RAP1GAP2: variants seen among roughly 807,000 people sequenced by gnomAD.
RAP1GAP2 encodes the protein RAP1 GTPase activating protein 2, also known as rap1 GTPase-activating protein 2.
In RAP1GAP2, 27 loss-of-function variants were observed where a neutral mutation model predicts 95.0. The ratio of observed to expected loss-of-function variants is 0.28; its 90% confidence interval spans 0.21 to 0.39. The LOEUF is 0.39. RAP1GAP2 is among the 10% of genes least tolerant of loss of function. RAP1GAP2 has a pLI of 1.00. For synonymous variants in RAP1GAP2, 373 were observed against 380.9 expected (o/e 0.98, Z 0.24); for missense variants, 771 against 970.0 (o/e 0.79, Z 2.72).
chr17:2,884,561 AG>A (rs939145180), intron 2 of RAP1GAP2, among the ~76,000 whole-genome samples: 2 of 151,856 alleles, frequency 1.3e-5, no homozygotes, highest in Admixed American at 6.6e-5. Context: ...TTAGTGGAAA[AG>A]GGGGTTTCAC....
intron 1 of RAP1GAP2, among the ~76,000 whole-genome samples, chr17:2,760,494 C>G (rs1460646763): frequency 6.6e-6 from 1 of 150,840 alleles, no homozygotes. Context: ...GTGTGTGCCA[C>G]CACACCCGGC....
At chr17:2,908,356 A>C (rs2042268773) in intron 3 of RAP1GAP2, among the ~76,000 whole-genome samples, 1 of 152,182 alleles carries the variant, frequency 6.6e-6, no homozygotes, top group Non-Finnish European at 1.5e-5. Flanking sequence ...ATTCCTAGTT[A>C]AGAGCACTGG....
chr17:2,868,797 G>T (rs1326139328), intron 2 of RAP1GAP2, among the ~76,000 whole-genome samples: 2 of 152,172 alleles, frequency 1.3e-5, no homozygotes, highest in Non-Finnish European at 2.9e-5. Context: ...GGGATTACAG[G>T]TGTGAGCCAC....
At chr17:2,966,902 T>C (rs1030287455) in intron 8 of RAP1GAP2, among the ~76,000 whole-genome samples, 1 of 152,190 alleles carries the variant, frequency 6.6e-6, no homozygotes, top group African/African-American at 2.4e-5. Context: ...TTTCTAATAC[T>C]GTATCCTCCA....
intron 14 of RAP1GAP2, among the ~76,000 whole-genome samples, chr17:3,000,481 G>A (rs1174508925): frequency 4.6e-5 from 3 of 64,616 alleles, no homozygotes; most frequent in East Asian, 3.7e-4. Context: ...CCAGGCTGAA[G>A]TGGGGCTCGT....
intron 16 of RAP1GAP2, among the ~76,000 whole-genome samples, chr17:3,006,827 T>C (rs10852853): frequency 0.55 from 83,238 of 151,784 alleles, 23,289 homozygotes; most frequent in Middle Eastern, 0.67. Flanking sequence ...CCCTGGAGAG[T>C]ACACAGGGTA....
chr17:3,025,906 A>G, intron 19 of RAP1GAP2, 102 bp from the exon 20 acceptor site: 1 of 844,228 alleles, frequency 1.2e-6, no homozygotes, highest in Admixed American at 2.3e-5. Flanking sequence ...CTCTGACCCC[A>G]CTGCCCCTCA....
rs1254289260 is a variant in RAP1GAP2, at chr17:3,005,795, T to C, written c.1273-160T>C. Among the ~76,000 whole-genome samples, 3 of 152,198 alleles carry C rather than the reference T, an allele frequency of 2.0e-5. No homozygotes were observed. The highest frequency in any genetic ancestry group is 2.9e-5 in the Non-Finnish European group (2 of 68,030). ...AAGCGGGTTTCCTTGTTGGGATATT[T>C]GCAAGTGGGCTTGGCCTGGGCTAGA... is the stretch of plus-strand genomic sequence containing the variant. On this transcript the variant is annotated intron_variant, in intron 15 of 24. Transcript: ENST00000254695. The surrounding 1 kb of genome is among the most constrained non-coding windows in gnomAD (Gnocchi z 5.2).
intron 19 of RAP1GAP2, among the ~76,000 whole-genome samples, chr17:3,024,377 A>G (rs1456274462): frequency 1.3e-5 from 2 of 152,226 alleles, no homozygotes; most frequent in East Asian, 3.8e-4. Context: ...GGCTTTAATC[A>G]AAAAGACAAA....
At chr17:2,865,223 G>A (rs1046899604) in intron 2 of RAP1GAP2, among the ~76,000 whole-genome samples, 2 of 152,180 alleles carry the variant, frequency 1.3e-5, no homozygotes, top group African/African-American at 4.8e-5. Context: ...AGCTCAGAGA[G>A]ACCAGGTGTC....
intron 2 of RAP1GAP2, among the ~76,000 whole-genome samples, chr17:2,880,985 T>C (rs1394972779): frequency 6.8e-6 from 1 of 148,074 alleles, no homozygotes; most frequent in Non-Finnish European, 1.5e-5. Flanking sequence ...AAATTAGCCA[T>C]GTGTGGTGAT....
In RAP1GAP2 at chr17:3,008,927, G is replaced by C. The variant is rs1368581006; in HGVS notation, c.1494+782G>C. ...ATGAGAGACGCCACAGGCCTGCTCA[G>C]GTCCTTACACCGAGGCAGAGTTAGA... On this transcript the variant is annotated intron_variant, in intron 17 of 24. Coordinates refer to ENST00000254695, the MANE Select transcript of RAP1GAP2 (RefSeq NM_015085.5). This position sits in a 1 kb window ranked among gnomAD's most constrained non-coding sequence, Gnocchi z 4.2. Among the ~76,000 whole-genome samples the C allele has an allele frequency of 6.6e-6, 1 of 152,186 alleles. No individual in the cohort carries two copies. Among genetic ancestry groups the C allele is most frequent in the Non-Finnish European group, 1.5e-5 (1 of 68,038 alleles).
At chr17:2,958,041 G>C (rs943589644) in intron 4 of RAP1GAP2, among the ~76,000 whole-genome samples, 1 of 152,142 alleles carries the variant, frequency 6.6e-6, no homozygotes, top group Non-Finnish European at 1.5e-5. Flanking sequence ...AGGGCAGCTG[G>C]GGAGGCCATA....
intron 2 of RAP1GAP2, among the ~76,000 whole-genome samples, chr17:2,897,898 C>T (rs1206455784): frequency 6.7e-6 from 1 of 149,540 alleles, no homozygotes; most frequent in Non-Finnish European, 1.5e-5. Flanking sequence ...GTGGGGATTG[C>T]CATTTTGCAA....
intron 2 of RAP1GAP2, among the ~76,000 whole-genome samples, chr17:2,853,124 C>T (rs1014362792): frequency 6.6e-6 from 1 of 152,106 alleles, no homozygotes; most frequent in African/African-American, 2.4e-5. Context: ...GAGCCGACCC[C>T]AGCCCACTCT....
chr17:2,889,059 CT>C (rs1221011745), intron 2 of RAP1GAP2, among the ~76,000 whole-genome samples: 2 of 152,140 alleles, frequency 1.3e-5, no homozygotes, highest in Admixed American at 1.3e-4. Flanking sequence ...GCAGATGGCT[CT>C]TCAACAGGCT....
intron 2 of RAP1GAP2, among the ~76,000 whole-genome samples, chr17:2,878,863 C>T (rs952301734): frequency 2.6e-5 from 4 of 152,224 alleles, no homozygotes; most frequent in Non-Finnish European, 4.4e-5. Flanking sequence ...GCGCAAGGTG[C>T]TGCAGCTTGC....
chr17:3,036,925 C>T lies in RAP1GAP2; in HGVS notation c.*3564C>T, dbSNP rs143741514. On this transcript the variant is annotated 3_prime_UTR_variant, in exon 25 of 25. Transcript: ENST00000254695. ...GATCTGTTTTAAGCAGTTGGGGGTT[C>T]GAGTAGATCTCATGGGTACAGGAGG... 827 of 152,746 alleles carry T rather than the reference C, an allele frequency of 5.4e-3. 1 individual carries two copies. The highest frequency in any genetic ancestry group is 8.2e-3 in the Non-Finnish European group (557 of 68,106). 9.5% of individuals were successfully genotyped at this position (152,746 alleles called of 1,614,324 possible). A position where few individuals can be genotyped will look rare whatever the true frequency, so the allele number is the denominator to read the frequency against.
intron 1 of RAP1GAP2, among the ~76,000 whole-genome samples, chr17:2,786,696 G>C (rs1045748342): frequency 2.0e-5 from 3 of 151,096 alleles, no homozygotes; most frequent in South Asian, 2.1e-4. Context: ...CCAGGCTGGA[G>C]TGCAGTGGCG....
Sources: allele counts gnomAD v4.1 joint callset (sites outside exome capture counted in the v4.1 genomes callset), GRCh38; gene constraint gnomAD v4.1.1; non-coding constraint Gnocchi (gnomAD v3.1); transcripts MANE v1.5; gene names NCBI Gene and HGNC (gene_info 2026-07-23, HGNC 2026-07-21).